Variants in PPP1R36 observed in about 807,000 individuals in gnomAD.
PPP1R36 encodes the protein chromosome 14 open reading frame 50.
PPP1R36 carries 47 observed loss-of-function variants against 53.4 expected under a neutral mutation model. The ratio of observed to expected loss-of-function variants is 0.88; its 90% CI spans 0.70 to 1.12. The LOEUF (loss-of-function observed/expected upper bound fraction) is 1.12. PPP1R36 is among the 50% of genes most tolerant of loss of function. The probability of loss-of-function intolerance (pLI) is 0.00; values close to 1 mark genes in which losing one functional copy is unlikely to be tolerated. For missense variants in PPP1R36, 456 were observed against 513.9 expected, an observed-to-expected ratio of 0.89 and a Z score of 1.09; for synonymous variants, 153 against 170.5, an observed-to-expected ratio of 0.90 and a Z score of 0.80.
At chr14:64,571,865 G>A (rs558465209) in intron 7 of PPP1R36, among the ~76,000 whole-genome samples, 33 of 152,206 alleles carry the variant, frequency 2.2e-4, no homozygotes, top group Middle Eastern at 3.4e-3. Context: ...GAAAGCATGC[G>A]CAGGGGAACA....
At chr14:64,550,798 G>A (rs1376107189) in intron 1 of PPP1R36, 123 bp from the exon 2 acceptor site, 1 of 692,494 alleles carries the variant, frequency 1.4e-6, no homozygotes, top group African/African-American at 1.8e-5. Flanking sequence ...ATTGTTTTTT[G>A]TTTCCTTCTT....
At chr14:64,587,050 T>C in intron 9 of PPP1R36, 144 bp from the exon 10 acceptor site, 3 of 798,532 alleles carry the variant, frequency 3.8e-6, no homozygotes, top group Non-Finnish European at 6.0e-6. Flanking sequence ...CAAAAGTGAG[T>C]ATGTGTATAA....
chr14:64,551,511 G>C (rs2080093603), intron 2 of PPP1R36: 1 of 414,468 alleles, frequency 2.4e-6, no homozygotes, highest in African/African-American at 2.1e-5. Context: ...ACTCTTACAA[G>C]TGTATAGCTA....
Position 64,565,703 on chromosome 14 carries a change from C to G in PPP1R36, c.434+11C>G, listed in dbSNP as rs369416166. The stretch of plus-strand genomic sequence containing the variant: ...TACAACATTTATGAGGTATCTATTG[C>G]TTATGAGTCATTTTAGATCTTTTAT... On this transcript the variant is annotated intron_variant, in intron 6 of 11. Transcript: ENST00000298705. 6 of 1,581,882 alleles carry G rather than the reference C, an allele frequency of 3.8e-6. No individual in the cohort carries two copies. In the African/African-American group the frequency reaches 8.1e-5, roughly 21 times the overall value.
rs2080246510 is a variant in PPP1R36, at chr14:64,565,680, C to T, written c.422C>T (p.Thr141Ile). The change falls in exon 6 of 12, where the codon ACA becomes ATA. Residue 141 changes from threonine (T) to isoleucine (I), a missense_variant. Transcript: ENST00000298705. Reference protein sequence around the residue: ...DTEMQRICSFTTFMRNKNLDN... With the variant: ...DTEMQRICSFITFMRNKNLDN... ...GAGATGCAGCGGATCTGTTCTTTTA[C>T]AACATTTATGAGGTATCTATTGCTT... 3.1e-6 allele frequency: 5 copies of T among 1,611,970 alleles called. No individual in the cohort carries two copies. The highest frequency in any genetic ancestry group is 1.3e-5 in the African/African-American group (1 of 75,020).
At chr14:64,581,942 A>G (rs2080392962) in intron 8 of PPP1R36, among the ~76,000 whole-genome samples, 1 of 152,174 alleles carries the variant, frequency 6.6e-6, no homozygotes, top group African/African-American at 2.4e-5. Flanking sequence ...GGCACATGCC[A>G]TAGTTAGATC....
chr14:64,588,058 A>G (rs919974219), intron 10 of PPP1R36, 46 bp from the exon 11 acceptor site: 1 of 1,519,442 alleles, frequency 6.6e-7, no homozygotes, highest in Admixed American at 2.0e-5. Flanking sequence ...GAACATTTCT[A>G]GAAAACAGGG....
intron 3 of PPP1R36, among the ~76,000 whole-genome samples, chr14:64,561,066 G>T (rs1686162518): frequency 6.6e-6 from 1 of 152,134 alleles, no homozygotes; most frequent in African/African-American, 2.4e-5. Context: ...CCTGAATCCA[G>T]ACAATCTGTT....
chr14:64,567,412 T>C (rs1489374743), intron 6 of PPP1R36, among the ~76,000 whole-genome samples: 6 of 152,204 alleles, frequency 3.9e-5, no homozygotes, highest in African/African-American at 9.7e-5. Flanking sequence ...ATATGAGGTA[T>C]AGAATATTCT....
intron 1 of PPP1R36, chr14:64,550,331 T>C (rs2080084471): frequency 1.7e-5 from 22 of 1,260,222 alleles, no homozygotes; most frequent in Non-Finnish European, 2.1e-5. Flanking sequence ...CTCTAATTGG[T>C]TGGTTGCAAA....
Position 64,574,574 on chromosome 14 carries a change from A to C in PPP1R36, c.653A>C (p.His218Pro), listed in dbSNP as rs1193066148. The change falls in exon 8 of 12, where the codon CAC becomes CCC. Residue 218 changes from histidine (H) to proline (P), a missense_variant. By Grantham distance (77) the His-to-Pro change is moderately conservative. Coordinates refer to ENST00000298705, the MANE Select transcript of PPP1R36 (RefSeq NM_172365.3). ...VLGLAVPDKH[H>P]MCCGKEKISD... ...GGCTTGGCCGTGCCGGATAAGCATC[A>C]CATGTGCTGTGGAAAGTAAGCAGAT... 5 of 1,612,944 alleles carry C rather than the reference A, an allele frequency of 3.1e-6. No homozygotes were observed. In the African/African-American group the frequency reaches 4.0e-5, roughly 13 times the overall value.
intron 10 of PPP1R36, 30 bp downstream of exon 10, chr14:64,587,402 G>C (rs201075964): frequency 1.5e-6 from 2 of 1,352,848 alleles, no homozygotes; most frequent in African/African-American, 1.5e-5. Context: ...CTATGCTCAG[G>C]GGTATTTCTT....
intron 7 of PPP1R36, among the ~76,000 whole-genome samples, chr14:64,570,029 G>C (rs559940160): frequency 6.6e-6 from 1 of 151,962 alleles, no homozygotes; most frequent in Admixed American, 6.6e-5. Context: ...GTGAGTAACC[G>C]TGCCTGGCCT....
At chr14:64,588,022 G>C in intron 10 of PPP1R36, 82 bp from the exon 11 acceptor site, 1 of 1,333,626 alleles carries the variant, frequency 7.5e-7, no homozygotes, top group Non-Finnish European at 1.0e-6. Context: ...GGGATTACAG[G>C]CATGAGCCAC....
In PPP1R36 at chr14:64,550,827, TAGTA is replaced by T. The variant is rs1220759578; in HGVS notation, c.70-89_70-86del. ...CCTTCTTATTACTTAAAAGATGTGT[TAGTA>T]AGTAGGAATTATTGTTAAAGGTTTA... is the stretch of plus-strand genomic sequence containing the variant. On this transcript the variant is annotated intron_variant, in intron 1 of 11. Coordinates refer to ENST00000298705, the MANE Select transcript of PPP1R36 (RefSeq NM_172365.3). 3 of 880,678 alleles carry T rather than the reference TAGTA, an allele frequency of 3.4e-6. No individual in the cohort carries two copies. In the East Asian group the frequency reaches 7.5e-5, roughly 22 times the overall value. The allele number at this position is 880,678 out of a possible 1,614,324, so 54.6% of individuals were successfully genotyped here.
At position 64,550,134 on chromosome 14, in the gene PPP1R36, G is replaced by A. The variant is rs1031782537; in HGVS notation, c.69+68G>A. 3.3e-6 allele frequency: 5 copies of A among 1,526,678 alleles called. No individual in the cohort carries two copies. In the Admixed American group the frequency reaches 8.0e-5, roughly 24 times the overall value. The allele number at this position is 1,526,678 out of a possible 1,614,324, so 94.6% of individuals were successfully genotyped here. On this transcript the variant is annotated intron_variant, in intron 1 of 11. Coordinates refer to ENST00000298705, the MANE Select transcript of PPP1R36 (RefSeq NM_172365.3). ...AGGCGGGCCCTGCTGCCCCCAACCG[G>A]CGCCGCGCCCCTCGCCCTCCTCCAG...
At chr14:64,566,448 A>G (rs2080257516) in intron 6 of PPP1R36, among the ~76,000 whole-genome samples, 2 of 151,862 alleles carry the variant, frequency 1.3e-5, no homozygotes, top group South Asian at 2.1e-4. Context: ...CTCTCAAAAA[A>G]AAAAAAAAAA....
chr14:64,554,741 A>T (rs1467714385), intron 3 of PPP1R36, among the ~76,000 whole-genome samples: 3 of 152,146 alleles, frequency 2.0e-5, no homozygotes, highest in Non-Finnish European at 2.9e-5. Context: ...CAGACAAGAC[A>T]ATTATGCAGC....
At chr14:64,562,284 A>G (rs1459874847) in intron 3 of PPP1R36, among the ~76,000 whole-genome samples, 2 of 152,100 alleles carry the variant, frequency 1.3e-5, no homozygotes, top group African/African-American at 4.8e-5. Flanking sequence ...AACATGGTGA[A>G]ACCCCATCTC....
Sources: gnomAD v4.1 joint callset for allele counts (sites outside exome capture counted in the v4.1 genomes callset) on GRCh38, gnomAD v4.1.1 for gene constraint, MANE v1.5 for transcripts, NCBI Gene and HGNC (gene_info 2026-07-23, HGNC 2026-07-21) for gene names.